The following C8orf34 variants were observed in gnomAD, a reference collection of about 807,000 sequenced individuals.
C8orf34 encodes the protein uncharacterized protein C8orf34.
In C8orf34, 65 loss-of-function variants were observed where a neutral mutation model predicts 68.3. The observed-to-expected ratio is 0.95, with a 90% confidence interval of 0.78 to 1.17. The LOEUF (loss-of-function observed/expected upper bound fraction) is 1.17, where lower values mean the gene tolerates loss of function less well. Ranked by LOEUF, C8orf34 falls within the 50% of genes most tolerant of loss-of-function variation. The pLI is 0.00. For missense variants in C8orf34, 664 were observed against 655.4 expected, an observed-to-expected ratio of 1.01 and a Z score of -0.14; for synonymous variants, 244 against 241.2, an observed-to-expected ratio of 1.01 and a Z score of -0.11.
chr8:68,535,073 A>G, intron 7 of C8orf34: 2 of 985,366 alleles, frequency 2.0e-6, no homozygotes, highest in Non-Finnish European at 2.4e-6. Context: ...ATCCTCTTAT[A>G]GCTTGGAATG....
intron 9 of C8orf34, among the ~76,000 whole-genome samples, chr8:68,716,118 G>T (rs1821464753): frequency 6.6e-6 from 1 of 151,918 alleles, no homozygotes; most frequent in Non-Finnish European, 1.5e-5. Flanking sequence ...TAAGCTATGA[G>T]GACGAAAAGG....
At chr8:68,775,082 A>G (rs931198397) in intron 10 of C8orf34, among the ~76,000 whole-genome samples, 7 of 151,320 alleles carry the variant, frequency 4.6e-5, no homozygotes, top group African/African-American at 1.7e-4. Context: ...AAAAAAAAAA[A>G]AAAAGAAGAG....
At chr8:68,555,385 C>T (rs1277694174) in intron 7 of C8orf34, among the ~76,000 whole-genome samples, 1 of 152,052 alleles carries the variant, frequency 6.6e-6, no homozygotes, top group Non-Finnish European at 1.5e-5. Flanking sequence ...TGGCTATTTT[C>T]CACCTCTCTT....
At chr8:68,374,615 G>A (rs186055717) in intron 1 of C8orf34, among the ~76,000 whole-genome samples, 29 of 152,216 alleles carry the variant, frequency 1.9e-4, no homozygotes, top group Admixed American at 1.5e-3. Flanking sequence ...AAACATTAAC[G>A]TATTTCTCCC....
intron 10 of C8orf34, among the ~76,000 whole-genome samples, chr8:68,743,773 A>C (rs1822381852): frequency 6.6e-6 from 1 of 152,216 alleles, no homozygotes; most frequent in Non-Finnish European, 1.5e-5. Context: ...CAGCAGTCTG[A>C]GATCAAACTG....
chr8:68,686,776 G>T (rs1820531016), intron 8 of C8orf34, among the ~76,000 whole-genome samples: 1 of 152,106 alleles, frequency 6.6e-6, no homozygotes, highest in African/African-American at 2.4e-5. Context: ...CCTAGCCAGG[G>T]CAATCAGGCA....
intron 5 of C8orf34, among the ~76,000 whole-genome samples, chr8:68,506,386 A>G (rs1404713925): frequency 6.6e-6 from 1 of 152,230 alleles, no homozygotes; most frequent in South Asian, 2.1e-4. Flanking sequence ...ATTTTATGAG[A>G]TGAGGTCTCA....
chr8:68,697,587 A>G (rs1236065597), intron 8 of C8orf34, among the ~76,000 whole-genome samples: 1 of 152,094 alleles, frequency 6.6e-6, no homozygotes, highest in Non-Finnish European at 1.5e-5. Flanking sequence ...ATGCTTGCTT[A>G]TGAATGAGTT....
rs546896502 is a variant in C8orf34 at position 68,371,745 on chromosome 8, A to G, written c.327+40406A>G. Among the ~76,000 whole-genome samples, 157 of 151,974 alleles carry G rather than the reference A, an allele frequency of 1.0e-3. 1 individual carries two copies. The highest frequency in any genetic ancestry group is 3.5e-3 in the African/African-American group (146 of 41,456). ...CTCCTGAGTAGCTGGGATTACAGGC[A>G]TGCACCACCACACCCAGCTAATTTT... On this transcript the variant is annotated intron_variant, in intron 1 of 13. Coordinates refer to ENST00000518698, the MANE Select transcript of C8orf34 (RefSeq NM_052958.4).
chr8:68,419,139 A>C (rs980639576), intron 1 of C8orf34, among the ~76,000 whole-genome samples: 2 of 152,004 alleles, frequency 1.3e-5, no homozygotes, highest in African/African-American at 4.8e-5. Flanking sequence ...TTACAAGAAA[A>C]AAACAACCCC....
At chr8:68,694,270 A>T (rs1417751875) in intron 8 of C8orf34, among the ~76,000 whole-genome samples, 1 of 147,888 alleles carries the variant, frequency 6.8e-6, no homozygotes, top group Non-Finnish European at 1.5e-5. Context: ...AATATTTTTT[A>T]AAAAGTGTTT....
chr8:68,455,171 C>T (rs761004209), intron 3 of C8orf34, among the ~76,000 whole-genome samples: 1 of 152,090 alleles, frequency 6.6e-6, no homozygotes, highest in Non-Finnish European at 1.5e-5. Flanking sequence ...AACATAAGAT[C>T]TCTCCTAGAG....
At chr8:68,718,299 T>C (rs1160561371) in intron 9 of C8orf34, among the ~76,000 whole-genome samples, 5 of 152,188 alleles carry the variant, frequency 3.3e-5, no homozygotes, top group Non-Finnish European at 1.5e-5. Context: ...TTTTTAAATT[T>C]TATCAAAATA....
chr8:68,715,265 A>T (rs1199014662), intron 9 of C8orf34, among the ~76,000 whole-genome samples: 1 of 152,148 alleles, frequency 6.6e-6, no homozygotes, highest in Non-Finnish European at 1.5e-5. Context: ...AACAAAGATA[A>T]ATAGATGGGA....
chr8:68,572,042 T>C (rs1816773609), intron 7 of C8orf34, among the ~76,000 whole-genome samples: 1 of 152,148 alleles, frequency 6.6e-6, no homozygotes, highest in South Asian at 2.1e-4. Context: ...GCTACAGACT[T>C]GCATAGCACG....
chr8:68,692,120 G>A (rs1820702815), intron 8 of C8orf34, among the ~76,000 whole-genome samples: 1 of 152,032 alleles, frequency 6.6e-6, no homozygotes, highest in South Asian at 2.1e-4. Flanking sequence ...AATTAGATCA[G>A]AGGGTAGGAT....
chr8:68,334,145 T>A (rs1348286191), intron 1 of C8orf34, among the ~76,000 whole-genome samples: 1 of 152,218 alleles, frequency 6.6e-6, no homozygotes, highest in Non-Finnish European at 1.5e-5. Context: ...TGATTTGAGA[T>A]GCTTATTAAA....
intron 3 of C8orf34, among the ~76,000 whole-genome samples, chr8:68,453,081 G>A (rs937293550): frequency 1.3e-5 from 2 of 151,840 alleles, no homozygotes. Context: ...CCATGAATAC[G>A]AGGGTTTATT....
intron 3 of C8orf34, among the ~76,000 whole-genome samples, chr8:68,460,973 T>C (rs1480178047): frequency 6.6e-6 from 1 of 152,174 alleles, no homozygotes; most frequent in African/African-American, 2.4e-5. Flanking sequence ...AGAAGAAGGC[T>C]TCAGATGATC....
Sources: allele counts gnomAD v4.1 joint callset (sites outside exome capture counted in the v4.1 genomes callset), GRCh38; gene constraint gnomAD v4.1.1; transcripts MANE v1.5; gene names NCBI Gene and HGNC (gene_info 2026-07-23, HGNC 2026-07-21).